SMAD2: variants seen among roughly 807,000 people sequenced by gnomAD.
The protein encoded by SMAD2 is SMAD family member 2, also known as MAD homolog 2.
SMAD2 carries 8 observed loss-of-function variants against 64.4 expected under a neutral mutation model. The observed-to-expected ratio is 0.12, with a 90% CI of 0.07 to 0.22. The LOEUF is 0.22. Among genes scored for constraint, SMAD2 ranks in the 10% least tolerant of loss-of-function variants. The pLI is 1.00. For missense variants in SMAD2, 289 were observed against 561.2 expected, an observed-to-expected ratio of 0.51 and a Z score of 4.90; for synonymous variants, 203 against 195.8, an observed-to-expected ratio of 1.04 and a Z score of -0.31.
intron 2 of SMAD2, among the ~76,000 whole-genome samples, chr18:47,882,176 G>A (rs959607925): frequency 1.3e-5 from 2 of 149,388 alleles, no homozygotes; most frequent in South Asian, 2.1e-4. Flanking sequence ...ATAAGCCATC[G>A]CATCTGACCT....
At chr18:47,913,711 T>C (rs1025251010) in intron 1 of SMAD2, among the ~76,000 whole-genome samples, 1 of 152,024 alleles carries the variant, frequency 6.6e-6, no homozygotes, top group African/African-American at 2.4e-5. Context: ...ACAAATGAAA[T>C]ACAAAAAAGA....
At position 47,837,848 on chromosome 18, in the gene SMAD2, T is replaced by C. The variant is rs1913577349; in HGVS notation, c.*3979A>G. ...TTGGGAGGGAAGGCGCAAATTGGAATGTTCAGCTTTTAAAGTAAAGACTGT... is the reference window on the plus strand; with the variant it reads ...TTGGGAGGGAAGGCGCAAATTGGAACGTTCAGCTTTTAAAGTAAAGACTGT... On this transcript the variant is annotated 3_prime_UTR_variant, in exon 11 of 11. Transcript: ENST00000262160. 4.3e-6 allele frequency: 1 copy of C among 232,896 alleles called. No homozygotes were observed. Among genetic ancestry groups the C allele is most frequent in the African/African-American group, 2.2e-5 (1 of 45,318 alleles). 14.4% of individuals were successfully genotyped at this position (232,896 alleles called of 1,614,324 possible).
chr18:47,902,566 AAATC>A (rs2033727476), intron 1 of SMAD2, among the ~76,000 whole-genome samples: 2 of 152,220 alleles, frequency 1.3e-5, no homozygotes, highest in African/African-American at 4.8e-5. Flanking sequence ...AGCCCTGAGA[AAATC>A]AACCATTATG....
chr18:47,857,593 T>A (rs1018793214), intron 6 of SMAD2, among the ~76,000 whole-genome samples: 4 of 152,110 alleles, frequency 2.6e-5, no homozygotes, highest in African/African-American at 9.7e-5. Flanking sequence ...CAGATATAGA[T>A]CCAAATAAGT....
At chr18:47,912,614 C>T (rs2034181786) in intron 1 of SMAD2, 1 of 152,184 alleles carries the variant, frequency 6.6e-6, no homozygotes, top group East Asian at 1.9e-4. Flanking sequence ...AAAAGCAGAG[C>T]AGCCAATCTC....
In SMAD2 at chr18:47,828,924, T is replaced by C. The variant is rs1302462141; in HGVS notation, c.*12903A>G. On this transcript the variant is annotated 3_prime_UTR_variant, in exon 11 of 11. Coordinates refer to ENST00000262160, the MANE Select transcript of SMAD2 (RefSeq NM_005901.6). ...CTCTCCGAGAAACACCCAAGAATGA[T>C]CAATAAATACTAAAAAAAAAAAAAA... The C allele has an allele frequency of 1.7e-5, 1 of 59,488 alleles. No individual in the cohort carries two copies. The highest frequency in any genetic ancestry group is 2.5e-4 in the Admixed American group (1 of 4,042). 3.7% of individuals were successfully genotyped at this position (59,488 alleles called of 1,614,324 possible). A position where few individuals can be genotyped will look rare whatever the true frequency, so the allele number is the denominator to read the frequency against.
Position 47,868,449 on chromosome 18 carries a change from G to C in SMAD2, c.529C>G (p.Pro177Ala), listed in dbSNP as rs2144374338. 1.9e-6 allele frequency: 3 copies of C among 1,608,154 alleles called. No individual in the cohort carries two copies. Among genetic ancestry groups the C allele is most frequent in the South Asian group, 2.2e-5 (2 of 90,788 alleles). ...YQRVETPVLP[P>A]VLVPRHTEIL... ...TCGGTGTGTCGGGGCACTAATACTG[G>C]AGGCAAAACTGAAAAAGTTCAAGAA... Residue 177 changes from proline to alanine, a missense_variant, in exon 5 of 11, where the codon CCA (proline) becomes GCA (alanine). Physicochemically the swap from Pro to Ala is conservative, Grantham distance 27. This residue lies in a region of SMAD2 where 119 missense variants were observed against 156.7 expected (regional missense o/e 0.76). Coordinates refer to ENST00000262160, the MANE Select transcript of SMAD2 (RefSeq NM_005901.6).
chr18:47,890,780 G>A (rs1249616292), intron 2 of SMAD2, among the ~76,000 whole-genome samples: 1 of 152,190 alleles, frequency 6.6e-6, no homozygotes, highest in African/African-American at 2.4e-5. Flanking sequence ...ACATGCCTAT[G>A]TATGAATGAG....
rs1239227270 is a variant in SMAD2, at chr18:47,839,616, T to C, written c.*2211A>G. 4.3e-6 allele frequency: 1 copy of C among 233,250 alleles called. No homozygotes were observed. Among genetic ancestry groups the C allele is most frequent in the Non-Finnish European group, 8.5e-6 (1 of 118,020 alleles). The allele number at this position is 233,250 out of a possible 1,614,324, so 14.4% of individuals were successfully genotyped here. A position where few individuals can be genotyped will look rare whatever the true frequency, so the allele number is the denominator to read the frequency against. ...GCAAAGGTTGAGGAAGGAGATATGT[T>C]AGTGAGAATCACATGAAGCAGACTA... On this transcript the variant is annotated 3_prime_UTR_variant, in exon 11 of 11. Coordinates refer to ENST00000262160, the MANE Select transcript of SMAD2 (RefSeq NM_005901.6).
rs1482569121 is a variant in SMAD2, at chr18:47,870,809, C to T, written c.237-245G>A. Reference sequence around the variant, plus strand: ...TGTTTTTAAAATGTGAACACCAACGCCCTCTAGCTCAATGAATCATACCTA... The same window carrying T: ...TGTTTTTAAAATGTGAACACCAACGTCCTCTAGCTCAATGAATCATACCTA... On this transcript the variant is annotated intron_variant, in intron 2 of 10. Coordinates refer to ENST00000262160, the MANE Select transcript of SMAD2 (RefSeq NM_005901.6). 3.3e-5 allele frequency among the ~76,000 whole-genome samples: 5 copies of T among 152,100 alleles called. No individual in the cohort carries two copies. In the East Asian group the frequency reaches 9.6e-4, roughly 29 times the overall value.
At chr18:47,902,013 C>G (rs970030498) in intron 1 of SMAD2, among the ~76,000 whole-genome samples, 5 of 152,118 alleles carry the variant, frequency 3.3e-5, no homozygotes, top group Admixed American at 3.3e-4. Context: ...ATCTCAACAC[C>G]ATAGGACTAG....
rs562906960 is a variant in SMAD2, at chr18:47,817,723, G to A, written c.*24104C>T. 3.3e-5 allele frequency: 5 copies of A among 152,230 alleles called. No individual in the cohort carries two copies. Among genetic ancestry groups the A allele is most frequent in the Admixed American group, 1.3e-4 (2 of 15,294 alleles). 9.4% of individuals were successfully genotyped at this position (152,230 alleles called of 1,614,324 possible). A position where few individuals can be genotyped will look rare whatever the true frequency, so the allele number is the denominator to read the frequency against. On this transcript the variant is annotated 3_prime_UTR_variant, in exon 11 of 11. Transcript: ENST00000262160. ...TTTTGGGAACACTGATTTTGGTTTCGTTTCGATATGGTTACATGCATCTGT... is the reference window on the plus strand; with the variant it reads ...TTTTGGGAACACTGATTTTGGTTTCATTTCGATATGGTTACATGCATCTGT...
chr18:47,886,698 T>C lies in SMAD2; in HGVS notation c.236+9823A>G, dbSNP rs1598837972. The C allele has an allele frequency of 2.0e-5, 3 of 152,774 alleles. 1 individual carries two copies. In the South Asian group the frequency reaches 6.2e-4, roughly 32 times the overall value. The allele number at this position is 152,774 out of a possible 1,614,324, so 9.5% of individuals were successfully genotyped here. A position where few individuals can be genotyped will look rare whatever the true frequency, so the allele number is the denominator to read the frequency against. On this transcript the variant is annotated intron_variant, in intron 2 of 10. Transcript: ENST00000262160. ...GAAGTCTCCTTATATATTTCAGTTC[T>C]AATTTAAGTATTATTAGTGATCACA...
intron 2 of SMAD2, among the ~76,000 whole-genome samples, chr18:47,891,138 C>T (rs143255955): frequency 0.015 from 2,212 of 152,108 alleles, 17 homozygotes; most frequent in Non-Finnish European, 0.023. Flanking sequence ...AACCCTGTCT[C>T]TACTAAAAAA....
intron 6 of SMAD2, among the ~76,000 whole-genome samples, chr18:47,855,911 G>A (rs1052797439): frequency 3.3e-5 from 5 of 152,100 alleles, no homozygotes; most frequent in Non-Finnish European, 5.9e-5. Context: ...GTGGCACGTT[G>A]CTTTTACTCT....
chr18:47,855,503 C>T (rs1331392109), intron 6 of SMAD2, among the ~76,000 whole-genome samples: 1 of 152,134 alleles, frequency 6.6e-6, no homozygotes, highest in Admixed American at 6.5e-5. Flanking sequence ...GCCTGTTGCT[C>T]CCCATCCTCA....
chr18:47,889,025 G>A lies in SMAD2; in HGVS notation c.236+7496C>T, dbSNP rs533568789. On this transcript the variant is annotated intron_variant, in intron 2 of 10. Transcript: ENST00000262160. Reference sequence around the variant, plus strand: ...TATTTGAAATTAAGAACTTACGTAGGCTTAACAGACTGAATACAGCACAAA... The same window carrying A: ...TATTTGAAATTAAGAACTTACGTAGACTTAACAGACTGAATACAGCACAAA... Among the ~76,000 whole-genome samples, 14 of 152,140 alleles carry A rather than the reference G, an allele frequency of 9.2e-5. 1 individual carries two copies. In the South Asian group the frequency reaches 2.9e-3, roughly 32 times the overall value.
chr18:47,848,895 C>G (rs376291814), intron 7 of SMAD2, among the ~76,000 whole-genome samples: 16 of 152,132 alleles, frequency 1.1e-4, no homozygotes, highest in Non-Finnish European at 2.4e-4. Context: ...TTTCATAGAT[C>G]ATACCAGATT....
chr18:47,905,625 T>C (rs1426238466), intron 1 of SMAD2, among the ~76,000 whole-genome samples: 1 of 152,130 alleles, frequency 6.6e-6, no homozygotes, highest in Non-Finnish European at 1.5e-5. Flanking sequence ...GACCCACACA[T>C]ATACAGTCAA....
Sources: allele counts gnomAD v4.1 joint callset (sites outside exome capture counted in the v4.1 genomes callset), GRCh38; gene constraint gnomAD v4.1.1; regional missense constraint gnomAD v4.1.1; transcripts MANE v1.5; gene names NCBI Gene and HGNC (gene_info 2026-07-23, HGNC 2026-07-21).